The following WDR4 variants were observed in gnomAD, a reference collection of about 807,000 sequenced individuals.
WDR4 encodes tRNA (guanine-N(7)-)-methyltransferase non-catalytic subunit WDR4.
A neutral mutation model predicts 48.6 loss-of-function variants in WDR4; 47 were observed. That is an observed-to-expected ratio of 0.97 (90% confidence interval 0.77 to 1.23). WDR4 has a LOEUF of 1.23. Ranked by LOEUF, WDR4 falls within the 50% of genes most tolerant of loss-of-function variation. WDR4 has a pLI of 0.00. For missense variants in WDR4, 606 were observed against 551.6 expected, an observed-to-expected ratio of 1.10 and a Z score of -0.99; for synonymous variants, 268 against 230.0, an observed-to-expected ratio of 1.17 and a Z score of -1.49.
intron 6 of WDR4, among the ~76,000 whole-genome samples, chr21:42,857,474 G>T (rs2058022593): frequency 6.6e-6 from 1 of 152,186 alleles, no homozygotes; most frequent in African/African-American, 2.4e-5. Context: ...CACACAGGCA[G>T]ATGGCATCGC....
upstream of WDR4, among the ~76,000 whole-genome samples, chr21:42,883,997 C>G (rs1435937743): frequency 6.6e-6 from 1 of 152,174 alleles, no homozygotes; most frequent in Non-Finnish European, 1.5e-5. Flanking sequence ...CATTAATCTA[C>G]TTTGTTTTAT....
upstream of WDR4, among the ~76,000 whole-genome samples, chr21:42,881,660 C>T (rs1405973586): frequency 6.6e-6 from 1 of 152,160 alleles, no homozygotes; most frequent in East Asian, 1.9e-4. Flanking sequence ...CTACCAGTTT[C>T]CCCACTGCTT....
At chr21:42,863,779 C>T (rs1315811541) in intron 3 of WDR4, among the ~76,000 whole-genome samples, 183 bp from the exon 4 acceptor site, 2 of 151,788 alleles carry the variant, frequency 1.3e-5, no homozygotes, top group African/African-American at 2.4e-5. Context: ...CCAATGCCTT[C>T]GACAAATTTA....
downstream of WDR4, among the ~76,000 whole-genome samples, chr21:42,846,189 CA>C (rs2057710117): frequency 6.6e-6 from 1 of 151,762 alleles, no homozygotes; most frequent in South Asian, 2.1e-4. Flanking sequence ...TCCTAACAGC[CA>C]AACTGTGGAA....
At chr21:42,845,193 A>G (rs946603580), downstream of WDR4, among the ~76,000 whole-genome samples, 1 of 152,278 alleles carries the variant, frequency 6.6e-6, no homozygotes, top group African/African-American at 2.4e-5. Flanking sequence ...AAGTCAGCAA[A>G]GTATATTCTG....
chr21:42,878,846 T>A (rs1601193001), intron 1 of WDR4: 1 of 586,646 alleles, frequency 1.7e-6, no homozygotes, highest in Non-Finnish European at 2.1e-6. Flanking sequence ...GTTGGGTAAG[T>A]GTCGGAGATG....
intron 2 of WDR4, among the ~76,000 whole-genome samples, chr21:42,875,986 C>G (rs1187126148): frequency 7.0e-6 from 1 of 142,250 alleles, no homozygotes; most frequent in Non-Finnish European, 1.5e-5. Flanking sequence ...GTGGCGCAAC[C>G]TCGGCCGACT....
chr21:42,854,717 C>T, intron 7 of WDR4, 91 bp from the exon 8 acceptor site: 1 of 1,195,634 alleles, frequency 8.4e-7, no homozygotes, highest in Admixed American at 2.4e-5. Context: ...CCGAAGGACG[C>T]TCACGCCCCC....
At chr21:42,881,668 C>T (rs1163098050), upstream of WDR4, among the ~76,000 whole-genome samples, 3 of 152,210 alleles carry the variant, frequency 2.0e-5, no homozygotes, top group Non-Finnish European at 4.4e-5. Flanking sequence ...TTCCCCACTG[C>T]TTTTCCAGAC....
intron 1 of WDR4, chr21:42,878,842 T>G (rs2058560975): frequency 5.3e-6 from 3 of 563,380 alleles, no homozygotes; most frequent in Non-Finnish European, 6.8e-6. Flanking sequence ...TTGGGTTGGG[T>G]AAGTGTCGGA....
intron 1 of WDR4, 25 bp from the exon 2 acceptor site, chr21:42,876,792 A>G (rs756536220): frequency 6.3e-7 from 1 of 1,597,250 alleles, no homozygotes; most frequent in East Asian, 2.2e-5. Context: ...CAATAATTTT[A>G]AAAGGAGTTA....
intron 10 of WDR4, among the ~76,000 whole-genome samples, chr21:42,851,932 C>T (rs962599074): frequency 1.3e-5 from 2 of 152,362 alleles, no homozygotes; most frequent in East Asian, 3.9e-4. Flanking sequence ...TGAGGCAGCA[C>T]AGCACCAGCT....
upstream of WDR4, among the ~76,000 whole-genome samples, chr21:42,880,929 C>A (rs112825114): frequency 0.036 from 4,633 of 130,452 alleles, 108 homozygotes; most frequent in East Asian, 0.11. Context: ...GCCACTCCCA[C>A]TAGTCTTTTT....
the WDR4 span, among the ~76,000 whole-genome samples, chr21:42,891,818 G>A: frequency 2.0e-5 from 3 of 152,040 alleles, no homozygotes; most frequent in Admixed American, 1.3e-4. Context: ...TTAGCCGGGC[G>A]TGGTGGCTCA....
downstream of WDR4, among the ~76,000 whole-genome samples, chr21:42,847,561 C>T (rs1395086008): frequency 2.0e-5 from 3 of 152,174 alleles, no homozygotes; most frequent in African/African-American, 4.8e-5. Context: ...GGTGGAGAGA[C>T]GCGGCCCCGT....
intron 6 of WDR4, among the ~76,000 whole-genome samples, 155 bp downstream of exon 6, chr21:42,859,507 C>T (rs537608136): frequency 2.6e-5 from 4 of 151,758 alleles, no homozygotes; most frequent in South Asian, 4.2e-4. Flanking sequence ...CGGCCGCAGG[C>T]GGGGAGCGAG....
At position 42,849,917 on chromosome 21, in the gene WDR4, G is replaced by T; in HGVS notation, c.*132C>A. ...AGAATGTTCTTTCTAGAGCCCAGGG[G>T]ACAGCCCCATCCTCTGAGCTGGTCA... On this transcript the variant is annotated 3_prime_UTR_variant, in exon 11 of 11. Coordinates refer to ENST00000398208, the MANE Select transcript of WDR4 (RefSeq NM_018669.6). The T allele has an allele frequency of 9.0e-7, 1 of 1,112,420 alleles. No individual in the cohort carries two copies. The highest frequency in any genetic ancestry group is 1.3e-6 in the Non-Finnish European group (1 of 775,248). 68.9% of individuals were successfully genotyped at this position (1,112,420 alleles called of 1,614,324 possible).
chr21:42,859,726 TGAGGGC>T lies in WDR4; in HGVS notation c.567-10_567-5del. ...CACGGAGATACGGCTCACAAACCTG[TGAGGGC>T]GAGAGAGAGCGGCAGAGTCAGCGAG... is the stretch of plus-strand genomic sequence containing the variant. On this transcript the variant is annotated splice_region_variant and splice_polypyrimidine_tract_variant and intron_variant, in intron 5 of 10. Coordinates refer to ENST00000398208, the MANE Select transcript of WDR4 (RefSeq NM_018669.6). 1 of 1,557,318 alleles carries T rather than the reference TGAGGGC, an allele frequency of 6.4e-7. No homozygotes were observed. The highest frequency in any genetic ancestry group is 1.9e-5 in the Admixed American group (1 of 51,876).
intron 2 of WDR4, among the ~76,000 whole-genome samples, chr21:42,875,042 C>T (rs11203162): frequency 0.18 from 27,554 of 152,050 alleles, 2,760 homozygotes; most frequent in Non-Finnish European, 0.21. Context: ...TTTAAAATTT[C>T]TCTCTTTTGT....
Sources: gnomAD v4.1 joint callset for allele counts (sites outside exome capture counted in the v4.1 genomes callset) on GRCh38, gnomAD v4.1.1 for gene constraint, MANE v1.5 for transcripts, NCBI Gene and HGNC (gene_info 2026-07-23, HGNC 2026-07-21) for gene names.